Variants in RANBP2 observed in about 807,000 individuals in gnomAD.
RANBP2 encodes the protein RAN binding protein 2, also known as E3 SUMO-protein ligase RanBP2.
Under a neutral mutation model 303.6 loss-of-function variants are expected in RANBP2, and 57 were observed. That is an observed-to-expected ratio of 0.19 (90% CI 0.15 to 0.23). RANBP2 has a LOEUF of 0.23. Among genes scored for constraint, RANBP2 ranks in the 10% least tolerant of loss-of-function variants. The pLI is 1.00. For missense variants in RANBP2, 3,138 were observed against 3,780.8 expected (o/e 0.83, Z 4.46); for synonymous variants, 1,167 against 1,301.5 (o/e 0.90, Z 2.23).
chr2:109,277,379 C>T, the RANBP2 span, among the ~76,000 whole-genome samples: 9 of 152,056 alleles, frequency 5.9e-5, no homozygotes, highest in African/African-American at 2.2e-4. Context: ...TTTATGTGAC[C>T]CCGGCCTCGG....
the RANBP2 span, chr2:109,545,321 A>T: frequency 2.0e-6 from 3 of 1,481,558 alleles, no homozygotes; most frequent in Non-Finnish European, 2.7e-6. Flanking sequence ...GTACAGAAGG[A>T]AATTATCAAA....
At chr2:109,615,096 C>G in the RANBP2 span, 1 of 1,549,740 alleles carries the variant, frequency 6.5e-7, no homozygotes, top group Non-Finnish European at 8.7e-7. Context: ...GCCGGCCCGC[C>G]AGAACCTCCG....
the RANBP2 span, among the ~76,000 whole-genome samples, chr2:108,834,129 A>G: frequency 2.0e-5 from 3 of 151,966 alleles, no homozygotes; most frequent in African/African-American, 4.8e-5. Context: ...TGGGGTTCCA[A>G]GTGTTTCCTG....
the RANBP2 span, among the ~76,000 whole-genome samples, chr2:109,507,336 G>C: frequency 6.6e-6 from 1 of 152,196 alleles, no homozygotes; most frequent in East Asian, 1.9e-4. Context: ...CAGTCTGTCG[G>C]AGTTCTCTTC....
intron 7 of RANBP2, among the ~76,000 whole-genome samples, chr2:108,741,949 GA>G (rs1558889856): frequency 6.6e-6 from 1 of 151,294 alleles, no homozygotes; most frequent in Admixed American, 6.6e-5. Flanking sequence ...CTTGGGGAGG[GA>G]AAAAAAGGAT....
At chr2:108,826,264 A>G in the RANBP2 span, among the ~76,000 whole-genome samples, 2 of 152,334 alleles carry the variant, frequency 1.3e-5, no homozygotes, top group South Asian at 2.1e-4. Context: ...AAATTTTTAT[A>G]AAGTCCAATT....
At chr2:108,909,448 A>ATAGGAAGATCATGGAATCG in the RANBP2 span, among the ~76,000 whole-genome samples, 1 of 152,190 alleles carries the variant, frequency 6.6e-6, no homozygotes, top group African/African-American at 2.4e-5. Context: ...AAGGTGAATC[A>ATAGGAAGATCATGGAATCG]TAGGAAGATC....
the RANBP2 span, among the ~76,000 whole-genome samples, chr2:109,193,163 C>T: frequency 6.6e-6 from 1 of 152,216 alleles, no homozygotes; most frequent in Non-Finnish European, 1.5e-5. Flanking sequence ...CCAGAGGTCT[C>T]ACATTTTAAG....
the RANBP2 span, among the ~76,000 whole-genome samples, chr2:109,320,227 T>TGGGGGCCAGAC: frequency 6.6e-6 from 1 of 152,156 alleles, no homozygotes; most frequent in Admixed American, 6.5e-5. Context: ...AATTCCATTT[T>TGGGGGCCAGAC]TGAGGGCTGC....
chr2:108,969,376 G>A, the RANBP2 span, among the ~76,000 whole-genome samples: 2 of 152,072 alleles, frequency 1.3e-5, no homozygotes, highest in African/African-American at 2.4e-5. Context: ...GGCTAAGTTC[G>A]GATGGTTGTA....
At chr2:109,264,688 G>T in the RANBP2 span, among the ~76,000 whole-genome samples, 1 of 152,210 alleles carries the variant, frequency 6.6e-6, no homozygotes, top group African/African-American at 2.4e-5. Context: ...GAGCCCAGTG[G>T]ATGCTAGATG....
chr2:109,721,752 G>A, the RANBP2 span, among the ~76,000 whole-genome samples: 2 of 152,152 alleles, frequency 1.3e-5, no homozygotes, highest in African/African-American at 4.8e-5. Context: ...CTGGAGGCCC[G>A]CTAGTGTCTG....
chr2:109,041,810 G>T, the RANBP2 span, among the ~76,000 whole-genome samples: 1 of 151,026 alleles, frequency 6.6e-6, no homozygotes, highest in South Asian at 2.1e-4. Context: ...CAAAGTGCTG[G>T]GTTTACAGGT....
At chr2:108,897,374 AT>A in the RANBP2 span, 1 of 795,154 alleles carries the variant, frequency 1.3e-6, no homozygotes. Flanking sequence ...CCTAAAACAA[AT>A]GCATAACTTA....
the RANBP2 span, among the ~76,000 whole-genome samples, chr2:109,708,963 C>A: frequency 6.7e-6 from 1 of 148,282 alleles, no homozygotes; most frequent in Non-Finnish European, 1.5e-5. Flanking sequence ...GGCAACAGAG[C>A]AAGGCTCCCT....
the RANBP2 span, among the ~76,000 whole-genome samples, chr2:109,229,115 C>T: frequency 6.6e-6 from 1 of 152,104 alleles, no homozygotes; most frequent in Non-Finnish European, 1.5e-5. Flanking sequence ...ACAAAAGATA[C>T]TCCTAGCCCC....
chr2:109,448,798 G>A, the RANBP2 span, among the ~76,000 whole-genome samples: 119 of 152,324 alleles, frequency 7.8e-4, 1 homozygote, highest in African/African-American at 2.4e-3. Flanking sequence ...TGGAAAAATT[G>A]TCTTCCACAA....
the RANBP2 span, among the ~76,000 whole-genome samples, chr2:109,102,007 T>C: frequency 1.3e-5 from 2 of 152,204 alleles, no homozygotes; most frequent in African/African-American, 2.4e-5. Context: ...CTAACGATCA[T>C]AACAAAAATC....
the RANBP2 span, among the ~76,000 whole-genome samples, chr2:109,123,315 TTTCTTTCCTTCC>T: frequency 0.017 from 2,441 of 140,510 alleles, 26 homozygotes; most frequent in Non-Finnish European, 0.025. Flanking sequence ...GTGGCTTTTC[TTTCTTTCCTTCC>T]TTCCTTCCTT....
Sources: gnomAD v4.1 joint callset for allele counts (sites outside exome capture counted in the v4.1 genomes callset) on GRCh38, gnomAD v4.1.1 for gene constraint, MANE v1.5 for transcripts, NCBI Gene and HGNC (gene_info 2026-07-23, HGNC 2026-07-21) for gene names.